The following SLC44A5 variants were observed in gnomAD, a reference collection of about 807,000 sequenced individuals.
SLC44A5 encodes the protein choline transporter-like protein 5.
A neutral mutation model predicts 101.8 loss-of-function variants in SLC44A5; 57 were observed. The observed-to-expected ratio is 0.56, with a 90% CI of 0.45 to 0.70. SLC44A5 has a LOEUF of 0.70. Among genes scored for constraint, SLC44A5 ranks in the 30% least tolerant of loss-of-function variants. The probability of loss-of-function intolerance (pLI) is 0.00; values close to 1 mark genes in which losing one functional copy is unlikely to be tolerated. For synonymous variants in SLC44A5, 281 were observed against 290.9 expected, an observed-to-expected ratio of 0.97 and a Z score of 0.35; for missense variants, 737 against 853.1, an observed-to-expected ratio of 0.86 and a Z score of 1.70.
chr1:75,317,541 C>T (rs1442290600), intron 4 of SLC44A5, among the ~76,000 whole-genome samples: 2 of 152,116 alleles, frequency 1.3e-5, no homozygotes, highest in African/African-American at 2.4e-5. Flanking sequence ...AAGAAAGATA[C>T]ACAATTTAAA....
At chr1:75,369,936 A>G (rs1176774934) in intron 3 of SLC44A5, among the ~76,000 whole-genome samples, 1 of 152,212 alleles carries the variant, frequency 6.6e-6, no homozygotes, top group East Asian at 1.9e-4. Context: ...TCTAGCACCA[A>G]TCATGGATTA....
At chr1:75,243,114 C>A in intron 7 of SLC44A5, 103 bp from the exon 8 acceptor site, 1 of 1,313,766 alleles carries the variant, frequency 7.6e-7, no homozygotes, top group Admixed American at 2.8e-5. Context: ...AAAAGCAATG[C>A]ACTGTTTTCC....
Position 75,237,021 on chromosome 1 carries a change from C to G in SLC44A5, c.706G>C (p.Glu236Gln). ...DAKSLGLKVFEDYARTWYWIL... is the reference protein window; with the variant it reads ...DAKSLGLKVFQDYARTWYWIL... ...CAATACCAAGTTCTTGCATAGTCTT[C>G]AAACACTTTCAATCCAAGTGACTTT... is the stretch of plus-strand genomic sequence containing the variant. The change falls in exon 11 of 24, where the codon GAA (glutamate) becomes CAA (glutamine). Residue 236 changes from glutamate (E) to glutamine (Q), a missense_variant. Coordinates refer to ENST00000370859, the MANE Select transcript of SLC44A5 (RefSeq NM_001130058.2). 1 of 1,603,306 alleles carries G rather than the reference C, an allele frequency of 6.2e-7. No individual in the cohort carries two copies. The highest frequency in any genetic ancestry group is 8.5e-7 in the Non-Finnish European group (1 of 1,172,380).
chr1:75,352,817 C>A (rs948705985), intron 3 of SLC44A5, among the ~76,000 whole-genome samples: 3 of 152,138 alleles, frequency 2.0e-5, no homozygotes, highest in Admixed American at 2.0e-4. Context: ...TTCATGGCAG[C>A]AGCATTTGTA....
At chr1:75,681,051 G>C in the SLC44A5 span, among the ~76,000 whole-genome samples, 1 of 151,072 alleles carries the variant, frequency 6.6e-6, no homozygotes, top group Non-Finnish European at 1.5e-5. Flanking sequence ...ACTCTCCCAA[G>C]ACTAAACCAG....
intron 3 of SLC44A5, among the ~76,000 whole-genome samples, chr1:75,353,542 C>T (rs1374829955): frequency 5.3e-5 from 8 of 152,136 alleles, no homozygotes; most frequent in African/African-American, 1.9e-4. Flanking sequence ...TTGCTATGAA[C>T]AAATAATGAA....
intron 2 of SLC44A5, among the ~76,000 whole-genome samples, chr1:75,488,604 A>G (rs902028719): frequency 1.3e-5 from 2 of 152,226 alleles, no homozygotes; most frequent in African/African-American, 4.8e-5. Flanking sequence ...AACTGCCATC[A>G]TTCATATTTA....
Sources: allele counts gnomAD v4.1 joint callset (sites outside exome capture counted in the v4.1 genomes callset), GRCh38; gene constraint gnomAD v4.1.1; transcripts MANE v1.5; gene names NCBI Gene and HGNC (gene_info 2026-07-23, HGNC 2026-07-21).